The following UCK1 variants were observed in gnomAD, a reference collection of about 807,000 sequenced individuals.
The protein encoded by UCK1 is cytidine monophosphokinase 1.
A neutral mutation model predicts 34.0 loss-of-function variants in UCK1; 20 were observed. The ratio of observed to expected loss-of-function variants is 0.59; its 90% confidence interval spans 0.41 to 0.86. UCK1 has a LOEUF of 0.86. Ranked by LOEUF, UCK1 falls within the 40% of genes least tolerant of loss-of-function variation. UCK1 has a pLI of 0.00. For synonymous variants in UCK1, 168 were observed against 155.9 expected (o/e 1.08, Z -0.58); for missense variants, 343 against 383.6 (o/e 0.89, Z 0.88).
At chr9:131,526,587 G>C in intron 5 of UCK1, 1 of 1,222,756 alleles carries the variant, frequency 8.2e-7, no homozygotes, top group Non-Finnish European at 1.1e-6. Context: ...TGGGGGTTGG[G>C]GGGTGGCTTT....
At chr9:131,527,154 C>CA (rs34625466) in intron 5 of UCK1, among the ~76,000 whole-genome samples, 14,912 of 126,564 alleles carry the variant, frequency 0.12, 943 homozygotes, top group Non-Finnish European at 0.15. Flanking sequence ...CCCGTCTGTG[C>CA]AAAAAAAAAA....
At position 131,524,983 on chromosome 9, in the gene UCK1, C is replaced by A. The variant is rs1222988855; in HGVS notation, c.*57G>T. ...GTGGGTGTGGGTGGGCGTCCCCAGG[C>A]TCAGTCCCTGAACACACATGCCGGG... On this transcript the variant is annotated 3_prime_UTR_variant, in exon 7 of 7. Transcript: ENST00000372215. 2.6e-6 allele frequency: 4 copies of A among 1,567,740 alleles called. No homozygotes were observed. The highest frequency in any genetic ancestry group is 3.5e-6 in the Non-Finnish European group (4 of 1,154,136).
At chr9:131,528,121 C>T (rs1007962282) in intron 5 of UCK1, among the ~76,000 whole-genome samples, 2 of 151,854 alleles carry the variant, frequency 1.3e-5, no homozygotes, top group African/African-American at 2.4e-5. Context: ...TTGGAGTGAG[C>T]CGAGATCGTG....
chr9:131,525,850 T>A, intron 6 of UCK1, 79 bp downstream of exon 6: 1 of 1,496,218 alleles, frequency 6.7e-7, no homozygotes, highest in Non-Finnish European at 9.2e-7. Flanking sequence ...GAGTGCTCAG[T>A]AACTGCACAC....
rs1323329676 is a variant in UCK1, at chr9:131,525,838, G to A, written c.652+91C>T. On this transcript the variant is annotated intron_variant, in intron 6 of 6. Transcript: ENST00000372215. Reference sequence around the variant, plus strand: ...CAACACTGGCAGGCCGCGTGCGCAGGGGAGTGCTCAGTAACTGCACACTGG... The same window carrying A: ...CAACACTGGCAGGCCGCGTGCGCAGAGGAGTGCTCAGTAACTGCACACTGG... 2.6e-5 allele frequency: 35 copies of A among 1,360,774 alleles called. No homozygotes were observed. In the Middle Eastern group the frequency reaches 1.1e-3, roughly 44 times the overall value. The allele number at this position is 1,360,774 out of a possible 1,614,324, so 84.3% of individuals were successfully genotyped here. A position where few individuals can be genotyped will look rare whatever the true frequency, so the allele number is the denominator to read the frequency against.
chr9:131,526,467 G>A, intron 5 of UCK1: 3 of 1,289,968 alleles, frequency 2.3e-6, no homozygotes, highest in Non-Finnish European at 3.0e-6. Flanking sequence ...CCACTCATTG[G>A]CTCAATGCTG....
At chr9:131,529,084 G>C (rs753356380) in intron 4 of UCK1, 44 bp downstream of exon 4, 1 of 1,613,256 alleles carries the variant, frequency 6.2e-7, no homozygotes, top group Non-Finnish European at 8.5e-7. Context: ...AGGACCTGCC[G>C]CCAGCCTCGG....
In UCK1 at chr9:131,524,111, T is replaced by C. The variant is rs1444418761; in HGVS notation, c.*929A>G. The C allele has an allele frequency of 6.6e-6, 1 of 152,336 alleles. No individual in the cohort carries two copies. The highest frequency in any genetic ancestry group is 1.5e-5 in the Non-Finnish European group (1 of 68,094). 9.4% of individuals were successfully genotyped at this position (152,336 alleles called of 1,614,324 possible). ...GAGGCTTGCTGACTTTGGGCGGCCA[T>C]GTCTGCTGGGACCTGGGTGATCCAG... On this transcript the variant is annotated 3_prime_UTR_variant, in exon 7 of 7. Coordinates refer to ENST00000372215, the MANE Select transcript of UCK1 (RefSeq NM_031432.5).
Position 131,525,856 on chromosome 9 carries a change from C to A in UCK1, c.652+73G>T, listed in dbSNP as rs1950584426. ...TGCGCAGGGGAGTGCTCAGTAACTG[C>A]ACACTGGTGGAACTGTCCCTGCCTC... is the stretch of plus-strand genomic sequence containing the variant. On this transcript the variant is annotated intron_variant, in intron 6 of 6. Transcript: ENST00000372215. The A allele has an allele frequency of 3.8e-5, 57 of 1,517,460 alleles. No homozygotes were observed. The East Asian group carries it at 1.2e-3, about 33-fold the overall frequency. The allele number at this position is 1,517,460 out of a possible 1,614,324, so 94.0% of individuals were successfully genotyped here.
rs2131989022 is a variant in UCK1, at chr9:131,529,749, C to T, written c.269-165G>A. Among the ~76,000 whole-genome samples the T allele has an allele frequency of 2.0e-5, 3 of 152,056 alleles. No homozygotes were observed. In the South Asian group the frequency reaches 6.3e-4, roughly 32 times the overall value. ...AGTGTATGTTTGGTAGCAACAGTGC[C>T]CTCTGCAGCCCTGCAGACCACAGGA... On this transcript the variant is annotated intron_variant, in intron 2 of 6. Coordinates refer to ENST00000372215, the MANE Select transcript of UCK1 (RefSeq NM_031432.5).
intron 1 of UCK1, 101 bp downstream of exon 1, chr9:131,530,966 C>A: frequency 8.8e-7 from 1 of 1,133,048 alleles, no homozygotes; most frequent in South Asian, 2.4e-5. Flanking sequence ...CTGCCCCTGC[C>A]TGGCAGGGGG....
At position 131,529,525 on chromosome 9, in the gene UCK1, C is replaced by T; in HGVS notation, c.328G>A (p.Val110Met). 6.2e-7 allele frequency: 1 copy of T among 1,614,170 alleles called. No individual in the cohort carries two copies. The highest frequency in any genetic ancestry group is 1.1e-5 in the South Asian group (1 of 91,080). The change falls in exon 3 of 7, where the codon GTG becomes ATG. Residue 110 changes from valine to methionine, a missense_variant. Val to Met is a conservative substitution (Grantham distance 21). Transcript: ENST00000372215. The part of the protein sequence containing the change: ...TLKNIVEGKT[V>M]EVPTYDFVTH... ...ACAAAATCATAGGTCGGCACCTCCA[C>T]CGTTTTGCCCTCCACGATGTTCTTC...
In UCK1 at chr9:131,528,938, A is replaced by G; in HGVS notation, c.603+6T>C. The G allele has an allele frequency of 6.2e-7, 1 of 1,613,848 alleles. No homozygotes were observed. Among genetic ancestry groups the G allele is most frequent in the Non-Finnish European group, 8.5e-7 (1 of 1,179,886 alleles). On this transcript the variant is annotated splice_donor_region_variant and intron_variant, in intron 5 of 6. Coordinates refer to ENST00000372215, the MANE Select transcript of UCK1 (RefSeq NM_031432.5). ...AAATGGGCTCTGAAGCAGCGAGCAC[A>G]GGTACCGGCAGGCAGAACTCCTCGA...
chr9:131,528,981 G>C lies in UCK1; in HGVS notation c.566C>G (p.Thr189Ser), dbSNP rs762368274. ...CTCCTCGAAGGCCGGCTTCACGAAG[G>C]TGGTGTACTGCGTCAGAATCTGCTC... ...DLEQILTQYT[T>S]FVKPAFEEFC... is the part of the protein sequence containing the mutation. The change falls in exon 5 of 7, where the codon ACC becomes AGC. Residue 189 changes from threonine to serine, a missense_variant. Transcript: ENST00000372215. The C allele has an allele frequency of 6.2e-7, 1 of 1,614,172 alleles. No individual in the cohort carries two copies. Among genetic ancestry groups the C allele is most frequent in the Admixed American group, 1.7e-5 (1 of 60,022 alleles).
At chr9:131,528,906 A>G (rs1352856698) in intron 5 of UCK1, 38 bp downstream of exon 5, 1 of 1,609,906 alleles carries the variant, frequency 6.2e-7, no homozygotes, top group African/African-American at 1.3e-5. Flanking sequence ...GTCCTTGTGA[A>G]AGGGGAAAAT....
chr9:131,525,899 G>C lies in UCK1; in HGVS notation c.652+30C>G, dbSNP rs1588529396. ...CCTGCCTCAAGCTCTGGGAGGGGCG[G>C]GGGGACAGCCCAGCAGGCCAGCTTC... On this transcript the variant is annotated intron_variant, in intron 6 of 6. Coordinates refer to ENST00000372215, the MANE Select transcript of UCK1 (RefSeq NM_031432.5). 9 of 1,612,112 alleles carry C rather than the reference G, an allele frequency of 5.6e-6. 1 individual carries two copies. The East Asian group carries it at 2.0e-4, about 36-fold the overall frequency.
chr9:131,528,173 CA>C (rs5900943), intron 5 of UCK1, among the ~76,000 whole-genome samples: 13,706 of 146,808 alleles, frequency 0.093, 925 homozygotes, highest in African/African-American at 0.18. Context: ...GACCCTATCT[CA>C]AAAAAAAAAA....
intron 5 of UCK1, chr9:131,526,382 C>G (rs1950604536): frequency 2.3e-6 from 3 of 1,277,978 alleles, no homozygotes; most frequent in Admixed American, 2.3e-5. Flanking sequence ...TACCCTGGCA[C>G]AGCAACAGGA....
At chr9:131,529,083 C>G in intron 4 of UCK1, 45 bp from the exon 5 acceptor site, 1 of 1,613,424 alleles carries the variant, frequency 6.2e-7, no homozygotes, top group East Asian at 2.2e-5. Context: ...CAGGACCTGC[C>G]GCCAGCCTCG....
Sources: gnomAD v4.1 joint callset for allele counts (sites outside exome capture counted in the v4.1 genomes callset) on GRCh38, gnomAD v4.1.1 for gene constraint, MANE v1.5 for transcripts, NCBI Gene and HGNC (gene_info 2026-07-23, HGNC 2026-07-21) for gene names.